Variants in ANKRD36C observed in about 807,000 individuals in gnomAD.
ANKRD36C encodes ankyrin repeat domain-containing protein 36C.
Under a neutral mutation model 276.4 loss-of-function variants are expected in ANKRD36C, and 61 were observed. The observed-to-expected ratio is 0.22, with a 90% CI of 0.18 to 0.27. The LOEUF (loss-of-function observed/expected upper bound fraction) is 0.27, where lower values mean the gene tolerates loss of function less well. ANKRD36C is among the 10% of genes least tolerant of loss of function. ANKRD36C has a pLI of 1.00. For missense variants in ANKRD36C, 1,447 were observed against 2,032.3 expected (o/e 0.71, Z 5.54); for synonymous variants, 483 against 680.1 (o/e 0.71, Z 4.51).
chr2:95,910,622 C>A (rs868075461), intron 42 of ANKRD36C, 54 bp from the exon 45 acceptor site: 414 of 1,600,534 alleles, frequency 2.6e-4, no homozygotes, highest in Middle Eastern at 4.5e-4. Context: ...ACAAAGATAT[C>A]CATACATTCA....
intron 59 of ANKRD36C, among the ~76,000 whole-genome samples, chr2:95,868,864 C>T (rs1206045359): frequency 6.6e-6 from 1 of 152,238 alleles, no homozygotes; most frequent in African/African-American, 2.4e-5. Flanking sequence ...TTCACCAAAA[C>T]TCTGCTTTAA....
At chr2:95,927,517 T>C (rs544637483) in intron 26 of ANKRD36C, 108 bp from the exon 27 acceptor site, 387 of 1,516,464 alleles carry the variant, frequency 2.6e-4, no homozygotes, top group Non-Finnish European at 3.3e-4. Flanking sequence ...TGTACTAGTG[T>C]AGGCTTTGAT....
intron 42 of ANKRD36C, 150 bp downstream of exon 44, chr2:95,912,094 C>T: frequency 4.3e-6 from 5 of 1,158,252 alleles, no homozygotes; most frequent in Non-Finnish European, 6.0e-6. Context: ...CCAGCAGCAT[C>T]AGCATAACCC....
intron 16 of ANKRD36C, among the ~76,000 whole-genome samples, chr2:95,949,058 A>G (rs1678128959): frequency 6.6e-6 from 1 of 152,080 alleles, no homozygotes; most frequent in Admixed American, 6.6e-5. Context: ...TTCAAAGACT[A>G]ATCTGTGTCA....
chr2:95,855,081 C>T (rs577928882), intron 63 of ANKRD36C, among the ~76,000 whole-genome samples, 185 bp downstream of exon 83: 208 of 152,224 alleles, frequency 1.4e-3, no homozygotes, highest in Middle Eastern at 6.8e-3. Context: ...TAACTTTAAT[C>T]AGAGGAAAGC....
At position 95,922,252 on chromosome 2, in the gene ANKRD36C, T is replaced by C. The variant is rs574445153; in HGVS notation, c.2144-442A>G. On this transcript the variant is annotated intron_variant, in intron 32 of 66. Coordinates refer to ENST00000456556, the Ensembl canonical transcript of ANKRD36C. ...CATGTTCATTAACTTGCCCAGTAAC[T>C]GAGAAGGTACACATTTACAGTGACA... 5.9e-5 allele frequency among the ~76,000 whole-genome samples: 9 copies of C among 151,708 alleles called. 1 individual carries two copies. The South Asian group carries it at 1.9e-3, about 31-fold the overall frequency.
chr2:95,959,454 G>A (rs1353533391), intron 10 of ANKRD36C, among the ~76,000 whole-genome samples: 3 of 152,188 alleles, frequency 2.0e-5, no homozygotes, highest in South Asian at 2.1e-4. Flanking sequence ...ATGGCAAGAA[G>A]GTATAATATA....
chr2:95,945,548 C>G (rs113209567), intron 17 of ANKRD36C, among the ~76,000 whole-genome samples: 1 of 46,906 alleles, frequency 2.1e-5, no homozygotes, highest in East Asian at 5.7e-4. Flanking sequence ...TTTCAAAATA[C>G]TTAGGCATGA....
At chr2:95,952,792 T>C (rs1678230395) in intron 14 of ANKRD36C, among the ~76,000 whole-genome samples, 1 of 152,304 alleles carries the variant, frequency 6.6e-6, no homozygotes, top group Admixed American at 6.5e-5. Flanking sequence ...TAACATTCCA[T>C]TATGAGAAAG....
chr2:95,971,733 A>G (rs549187499), intron 6 of ANKRD36C, among the ~76,000 whole-genome samples: 1 of 152,234 alleles, frequency 6.6e-6, no homozygotes, highest in African/African-American at 2.4e-5. Context: ...TTAACAAAAT[A>G]TAAAACAAAA....
At chr2:95,928,185 G>T (rs995654523) in intron 26 of ANKRD36C, among the ~76,000 whole-genome samples, 1 of 151,612 alleles carries the variant, frequency 6.6e-6, no homozygotes, top group Non-Finnish European at 1.5e-5. Flanking sequence ...AATATTCATT[G>T]AAAATCACCA....
At position 95,951,224 on chromosome 2, in the gene ANKRD36C, G is replaced by A. The variant is rs944535729; in HGVS notation, c.1264+124C>T. On this transcript the variant is annotated intron_variant, in intron 15 of 66. Transcript: ENST00000456556. ...GGAGATGGAAACTGCAGTGAGCCAA[G>A]ATCACAGCACTGCACTCCAGCCTGT... 7.2e-6 allele frequency: 6 copies of A among 834,392 alleles called. No individual in the cohort carries two copies. The African/African-American group carries it at 8.8e-5, about 12-fold the overall frequency. 51.7% of individuals were successfully genotyped at this position (834,392 alleles called of 1,614,324 possible). A position where few individuals can be genotyped will look rare whatever the true frequency, so the allele number is the denominator to read the frequency against.
intron 17 of ANKRD36C, among the ~76,000 whole-genome samples, chr2:95,948,099 G>T (rs1678101430): frequency 6.6e-6 from 1 of 152,122 alleles, no homozygotes; most frequent in African/African-American, 2.4e-5. Flanking sequence ...GTGTAACAGG[G>T]TGATTCCATG....
intron 64 of ANKRD36C, 83 bp from the exon 85 acceptor site, chr2:95,852,279 T>C: frequency 1.1e-6 from 1 of 903,878 alleles, no homozygotes; most frequent in Non-Finnish European, 1.7e-6. Flanking sequence ...AAAATGTATA[T>C]AAAATATTTT....
At chr2:95,956,686 A>G in intron 13 of ANKRD36C, 100 bp downstream of exon 13, 1 of 1,027,802 alleles carries the variant, frequency 9.7e-7, no homozygotes, top group Non-Finnish European at 1.4e-6. Context: ...AGCATGTAAT[A>G]CGGTGTCTAG....
At chr2:95,983,907 C>T (rs1380261417) in intron 3 of ANKRD36C, among the ~76,000 whole-genome samples, 1 of 151,662 alleles carries the variant, frequency 6.6e-6, no homozygotes, top group Non-Finnish European at 1.5e-5. Flanking sequence ...TGAGCCACTG[C>T]GCTCGGCCAA....
intron 24 of ANKRD36C, among the ~76,000 whole-genome samples, chr2:95,931,850 A>AAACACACACACACC (rs1677580804): frequency 8.2e-6 from 1 of 122,450 alleles, no homozygotes; most frequent in Non-Finnish European, 1.9e-5. Flanking sequence ...ACACACACAT[A>AAACACACACACACC]CACACACACA....
chr2:95,902,576 C>T (rs1248125235), intron 42 of ANKRD36C, among the ~76,000 whole-genome samples: 1 of 150,204 alleles, frequency 6.7e-6, no homozygotes, highest in Non-Finnish European at 1.5e-5. Context: ...TTTCTCCTTC[C>T]ACCCTTACTG....
intron 42 of ANKRD36C, among the ~76,000 whole-genome samples, chr2:95,911,924 A>C (rs1009258324): frequency 6.6e-5 from 10 of 151,384 alleles, no homozygotes; most frequent in East Asian, 2.0e-4. Context: ...TGTACTTCCT[A>C]TCTTTCTCCT....
Sources: gnomAD v4.1 joint callset for allele counts (sites outside exome capture counted in the v4.1 genomes callset) on GRCh38, gnomAD v4.1.1 for gene constraint, MANE v1.5 for transcripts, NCBI Gene and HGNC (gene_info 2026-07-23, HGNC 2026-07-21) for gene names.